The following GBP6 variants were observed in gnomAD, a reference collection of about 807,000 sequenced individuals.
The protein encoded by GBP6 is guanylate binding protein family member 6.
A neutral mutation model predicts 61.5 loss-of-function variants in GBP6; 54 were observed. That is an observed-to-expected ratio of 0.88 (90% confidence interval 0.71 to 1.10). The LOEUF (loss-of-function observed/expected upper bound fraction) is 1.10, where lower values mean the gene tolerates loss of function less well. GBP6 is among the 50% of genes least tolerant of loss of function. The pLI, the probability that GBP6 is intolerant of heterozygous loss-of-function variation, is 0.00. For synonymous variants in GBP6, 255 were observed against 273.7 expected (o/e 0.93, Z 0.67); for missense variants, 748 against 752.8 (o/e 0.99, Z 0.07).
rs1652392591 is a variant in GBP6, at chr1:89,364,084, A to C, written c.-67A>C. The C allele has an allele frequency of 6.6e-6, 1 of 152,276 alleles. No individual in the cohort carries two copies. Among genetic ancestry groups the C allele is most frequent in the African/African-American group, 2.4e-5 (1 of 41,468 alleles). The allele number at this position is 152,276 out of a possible 1,614,324, so 9.4% of individuals were successfully genotyped here. On this transcript the variant is annotated 5_prime_UTR_variant, in exon 1 of 11. Coordinates refer to ENST00000370456, the MANE Select transcript of GBP6 (RefSeq NM_198460.3). Reference sequence around the variant, plus strand: ...GAGGAAAGAAAACAAGAGGTGAGTGAGGCAACTGAAAACTGTTCTTGGACC... The same window carrying C: ...GAGGAAAGAAAACAAGAGGTGAGTGCGGCAACTGAAAACTGTTCTTGGACC...
At chr1:89,372,381 G>T (rs1040314157) in intron 3 of GBP6, among the ~76,000 whole-genome samples, 4 of 152,178 alleles carry the variant, frequency 2.6e-5, no homozygotes, top group Non-Finnish European at 5.9e-5. Flanking sequence ...AAAGAACAAA[G>T]TTGGAGGCAT....
At chr1:89,384,791 TA>T (rs1343795705) in intron 10 of GBP6, among the ~76,000 whole-genome samples, 1 of 152,184 alleles carries the variant, frequency 6.6e-6, no homozygotes, top group Non-Finnish European at 1.5e-5. Flanking sequence ...CCTGTATAGG[TA>T]GCCTGCCCAA....
intron 3 of GBP6, among the ~76,000 whole-genome samples, chr1:89,373,799 G>T (rs1472383660): frequency 6.6e-6 from 1 of 151,580 alleles, no homozygotes; most frequent in Non-Finnish European, 1.5e-5. Context: ...ATGTACCCTA[G>T]AACTTAAAGT....
chr1:89,382,864 G>A lies in GBP6; in HGVS notation c.1353G>A (p.Arg451=), dbSNP rs267598761. 6.2e-7 allele frequency: 1 copy of A among 1,612,610 alleles called. No individual in the cohort carries two copies. The highest frequency in any genetic ancestry group is 8.5e-7 in the Non-Finnish European group (1 of 1,178,714). Residue 451 remains arginine (R), a synonymous_variant, in exon 8 of 11, where the codon AGG becomes AGA. Transcript: ENST00000370456. ...AACAGGACTATTGGCAAGTTCCCAGGAAAGGAGTAAAGGTAAGGAATAAGG... is the reference window on the plus strand; with the variant it reads ...AACAGGACTATTGGCAAGTTCCCAGAAAAGGAGTAAAGGTAAGGAATAAGG... ...RIEQDYWQVP[R]KGVKAKEVFQ... is the part of the protein sequence containing the mutation.
Position 89,369,603 on chromosome 1 carries a change from T to A in GBP6, c.248T>A (p.Val83Glu). The A allele has an allele frequency of 6.2e-7, 1 of 1,614,096 alleles. No homozygotes were observed. The highest frequency in any genetic ancestry group is 1.1e-5 in the South Asian group (1 of 91,084). Residue 83 changes from valine to glutamate, a missense_variant, in exon 3 of 11, where the codon GTG becomes GAG. Coordinates refer to ENST00000370456, the MANE Select transcript of GBP6 (RefSeq NM_198460.3). ...SETKGIWMWC[V>E]PHPSKPNHTL... ...ACCAAGGGCATCTGGATGTGGTGCG[T>A]GCCCCACCCATCCAAGCCAAACCAC...
chr1:89,386,932 G>A lies in GBP6; in HGVS notation c.*1463G>A, dbSNP rs1653160294. On this transcript the variant is annotated 3_prime_UTR_variant, in exon 11 of 11. Coordinates refer to ENST00000370456, the MANE Select transcript of GBP6 (RefSeq NM_198460.3). ...TATAGTAATGAGTGGCAGACTGCAA[G>A]GCCTGATGGAGATAATTCTGAAGAT... 6.6e-6 allele frequency among the ~76,000 whole-genome samples: 1 copy of A among 152,192 alleles called. No homozygotes were observed. The highest frequency in any genetic ancestry group is 1.5e-5 in the Non-Finnish European group (1 of 68,044).
chr1:89,376,466 A>G (rs1652811290), intron 3 of GBP6, among the ~76,000 whole-genome samples: 1 of 152,144 alleles, frequency 6.6e-6, no homozygotes, highest in Non-Finnish European at 1.5e-5. Flanking sequence ...TATTGAGGGG[A>G]CCATCCTTTC....
chr1:89,372,455 C>T (rs1271671953), intron 3 of GBP6, among the ~76,000 whole-genome samples: 1 of 152,120 alleles, frequency 6.6e-6, no homozygotes, highest in Non-Finnish European at 1.5e-5. Flanking sequence ...GGTACTGGTA[C>T]AAAAACAGAG....
At chr1:89,382,123 TA>T in intron 7 of GBP6, 149 bp downstream of exon 7, 1 of 789,886 alleles carries the variant, frequency 1.3e-6, no homozygotes, top group Non-Finnish European at 2.0e-6. Flanking sequence ...AGACTACATA[TA>T]AGCACTTAAC....
chr1:89,369,092 G>A (rs1652546987), intron 2 of GBP6, among the ~76,000 whole-genome samples: 1 of 152,136 alleles, frequency 6.6e-6, no homozygotes, highest in South Asian at 2.1e-4. Flanking sequence ...ATGTAATCTT[G>A]AAAACGCTTC....
rs2100677362 is a variant in GBP6, at chr1:89,385,435, GCTCA to G, written c.1872_1875del (p.Phe626LysfsTer142). 1.2e-6 allele frequency: 2 copies of G among 1,614,020 alleles called. No individual in the cohort carries two copies. The highest frequency in any genetic ancestry group is 4.5e-5 in the East Asian group (2 of 44,882). On this transcript the variant is annotated frameshift_variant, in exon 11 of 11. Coordinates refer to ENST00000370456, the MANE Select transcript of GBP6 (RefSeq NM_198460.3). LOFTEE classifies it low-confidence loss of function (END_TRUNC). ...ATTGGTCATGGTGTCAAAGGTGTGA[GCTCA>G]CTCTTTAAAAAGCATAAGCTCCCCT...
At position 89,385,336 on chromosome 1, in the gene GBP6, C is replaced by T. The variant is rs775853627; in HGVS notation, c.1769C>T (p.Thr590Ile). 1.2e-6 allele frequency: 2 copies of T among 1,614,094 alleles called. No homozygotes were observed. Among genetic ancestry groups the T allele is most frequent in the South Asian group, 1.1e-5 (1 of 91,086 alleles). ...RMIDTTKNDD[T>I]PWIARTLDNL... ...ATTGATACTACAAAAAATGATGATA[C>T]TCCCTGGATTGCACGAACCTTGGAC... The change falls in exon 11 of 11, where the codon ACT (threonine) becomes ATT (isoleucine). Residue 590 changes from threonine to isoleucine, a missense_variant. Thr to Ile is a moderately conservative substitution (Grantham distance 89). Coordinates refer to ENST00000370456, the MANE Select transcript of GBP6 (RefSeq NM_198460.3).
At chr1:89,366,942 A>C (rs1372338945) in intron 1 of GBP6, among the ~76,000 whole-genome samples, 1 of 152,222 alleles carries the variant, frequency 6.6e-6, no homozygotes, top group East Asian at 1.9e-4. Flanking sequence ...TTCACTTGGC[A>C]TAATGTCTTC....
chr1:89,369,898 A>G (rs1652576740), intron 3 of GBP6, among the ~76,000 whole-genome samples: 2 of 152,220 alleles, frequency 1.3e-5, no homozygotes, highest in Non-Finnish European at 2.9e-5. Context: ...CAATTTGATA[A>G]AAGGTTGTTA....
chr1:89,367,540 A>G (rs1366406395), intron 1 of GBP6, among the ~76,000 whole-genome samples: 3 of 151,994 alleles, frequency 2.0e-5, no homozygotes, highest in African/African-American at 7.3e-5. Context: ...GAGTTTTAGG[A>G]GTTCTTTATG....
chr1:89,382,915 G>C, intron 8 of GBP6, 39 bp downstream of exon 8: 3 of 1,365,502 alleles, frequency 2.2e-6, no homozygotes, highest in Non-Finnish European at 3.1e-6. Flanking sequence ...TTATAGGATA[G>C]AGTGAATGGA....
chr1:89,381,916 C>T lies in GBP6; in HGVS notation c.1094C>T (p.Ala365Val). The part of the protein sequence containing the change: ...MHAACEREAI[A>V]IFMEHSFKDE... ...GCGGCCTGTGAGAGGGAAGCCATTG[C>T]AATCTTCATGGAGCACTCCTTCAAG... The change falls in exon 7 of 11, where the codon GCA (alanine) becomes GTA (valine). Residue 365 changes from alanine to valine, a missense_variant. By Grantham distance (64) the Ala-to-Val change is moderately conservative. Coordinates refer to ENST00000370456, the MANE Select transcript of GBP6 (RefSeq NM_198460.3). The T allele has an allele frequency of 6.2e-7, 1 of 1,614,102 alleles. No individual in the cohort carries two copies. Among genetic ancestry groups the T allele is most frequent in the Non-Finnish European group, 8.5e-7 (1 of 1,179,984 alleles).
In GBP6 at chr1:89,368,526, G is replaced by A. The variant is rs145997850; in HGVS notation, c.-23-3G>A. 3,255 of 1,603,000 alleles carry A rather than the reference G, an allele frequency of 2.0e-3. 5 individuals carry two copies. The highest frequency in any genetic ancestry group is 2.6e-3 in the Non-Finnish European group (3,028 of 1,172,390). On this transcript the variant is annotated splice_polypyrimidine_tract_variant and splice_region_variant and intron_variant, in intron 1 of 10. Transcript: ENST00000370456. ...GACAATGTAACGTTATTTCTACTGG[G>A]AGGCTCTTCTAGGTTGGCAGTTGCC...
At chr1:89,381,241 C>A (rs1652968442) in intron 6 of GBP6, among the ~76,000 whole-genome samples, 1 of 138,480 alleles carries the variant, frequency 7.2e-6, no homozygotes, top group South Asian at 2.3e-4. Flanking sequence ...GCCGAGATCA[C>A]ACCACTGCAC....
Sources: gnomAD v4.1 joint callset for allele counts (sites outside exome capture counted in the v4.1 genomes callset) on GRCh38, gnomAD v4.1.1 for gene constraint, MANE v1.5 for transcripts, NCBI Gene and HGNC (gene_info 2026-07-23, HGNC 2026-07-21) for gene names.